Variants in TMEM135 observed in about 807,000 individuals in gnomAD.
TMEM135 encodes peroxisomal membrane protein 52.
A neutral mutation model predicts 60.3 loss-of-function variants in TMEM135; 30 were observed. The observed-to-expected ratio is 0.50, with a 90% CI of 0.37 to 0.68. The LOEUF (loss-of-function observed/expected upper bound fraction) is 0.68. Among genes scored for constraint, TMEM135 ranks in the 30% least tolerant of loss-of-function variants. TMEM135 has a pLI of 0.00. For missense variants in TMEM135, 468 were observed against 548.8 expected (o/e 0.85, Z 1.47); for synonymous variants, 190 against 186.7 (o/e 1.02, Z -0.14).
chr11:87,242,678 T>G (rs1344999197), intron 6 of TMEM135, among the ~76,000 whole-genome samples: 237 of 144,234 alleles, frequency 1.6e-3, no homozygotes, highest in Non-Finnish European at 2.9e-3. Context: ...TGATATCCTT[T>G]GCCCACTTTT....
At chr11:87,240,073 G>T (rs751398371) in intron 6 of TMEM135, among the ~76,000 whole-genome samples, 1 of 152,036 alleles carries the variant, frequency 6.6e-6, no homozygotes, top group Non-Finnish European at 1.5e-5. Flanking sequence ...GGCTTGGGCT[G>T]GCAAAAGGTA....
chr11:87,139,583 GC>G (rs1419641994), intron 4 of TMEM135, among the ~76,000 whole-genome samples: 1 of 152,072 alleles, frequency 6.6e-6, no homozygotes, highest in Non-Finnish European at 1.5e-5. Context: ...GAATTGCTGG[GC>G]CTCATGGTAA....
rs1942941252 is a variant in TMEM135 at position 87,328,094 on chromosome 11, C to G, written c.*6761C>G. Reference sequence around the variant, plus strand: ...AGTCAAGTTGATGCCTAAAATTAACCATCACAGGCTTTATGGCTCTATTAC... The same window carrying G: ...AGTCAAGTTGATGCCTAAAATTAACGATCACAGGCTTTATGGCTCTATTAC... On this transcript the variant is annotated 3_prime_UTR_variant, in exon 15 of 15. Coordinates refer to ENST00000305494, the MANE Select transcript of TMEM135 (RefSeq NM_022918.4). The G allele has an allele frequency of 2.2e-6, 1 of 453,946 alleles. No homozygotes were observed. The highest frequency in any genetic ancestry group is 2.0e-5 in the African/African-American group (1 of 49,978). 28.1% of individuals were successfully genotyped at this position (453,946 alleles called of 1,614,324 possible).
intron 4 of TMEM135, among the ~76,000 whole-genome samples, chr11:87,137,815 G>A (rs1220361764): frequency 1.3e-5 from 2 of 152,076 alleles, no homozygotes; most frequent in African/African-American, 4.8e-5. Context: ...GTTACGTCAT[G>A]TCACATTGGG....
chr11:87,100,809 C>G (rs1857441042), intron 4 of TMEM135, among the ~76,000 whole-genome samples: 1 of 151,992 alleles, frequency 6.6e-6, no homozygotes, highest in South Asian at 2.1e-4. Context: ...TTGCAGTAAG[C>G]CAAGATTGCG....
chr11:87,240,783 T>A (rs1257412347), intron 6 of TMEM135, among the ~76,000 whole-genome samples: 3 of 152,170 alleles, frequency 2.0e-5, no homozygotes, highest in African/African-American at 7.2e-5. Flanking sequence ...CTGTAAAGTG[T>A]ATTATAACTC....
intron 5 of TMEM135, among the ~76,000 whole-genome samples, chr11:87,181,146 G>A (rs1939503923): frequency 6.6e-6 from 1 of 152,132 alleles, no homozygotes; most frequent in African/African-American, 2.4e-5. Context: ...TTTAGGATAG[G>A]AAGTAGCAAT....
intron 5 of TMEM135, among the ~76,000 whole-genome samples, chr11:87,209,997 C>A (rs1271696835): frequency 1.3e-5 from 2 of 152,104 alleles, no homozygotes. Context: ...ACACAATATA[C>A]CAGAATCTTT....
intron 5 of TMEM135, among the ~76,000 whole-genome samples, chr11:87,170,008 CT>C (rs35152231): frequency 0.37 from 55,286 of 149,874 alleles, 10,641 homozygotes; most frequent in East Asian, 0.67. Flanking sequence ...CCTTTTTAGT[CT>C]TTTTTTTTTC....
At chr11:87,211,408 C>G (rs372778557) in intron 5 of TMEM135, among the ~76,000 whole-genome samples, 15 of 152,128 alleles carry the variant, frequency 9.9e-5, no homozygotes, top group African/African-American at 1.9e-4. Context: ...TTGTCATGGA[C>G]TCAGGGAGAT....
At chr11:87,227,130 C>T (rs986529708) in intron 5 of TMEM135, among the ~76,000 whole-genome samples, 13 of 152,082 alleles carry the variant, frequency 8.5e-5, no homozygotes, top group Admixed American at 7.9e-4. Context: ...GGCATATTTA[C>T]TGTGAGTTTC....
intron 5 of TMEM135, among the ~76,000 whole-genome samples, chr11:87,230,002 T>C (rs1940857310): frequency 6.6e-6 from 1 of 152,074 alleles, no homozygotes; most frequent in Non-Finnish European, 1.5e-5. Context: ...TTTCAAATAT[T>C]TACTGAGTTG....
intron 9 of TMEM135, among the ~76,000 whole-genome samples, 171 bp from the exon 10 acceptor site, chr11:87,309,334 G>C (rs1446706830): frequency 1.3e-5 from 2 of 152,064 alleles, no homozygotes; most frequent in Non-Finnish European, 2.9e-5. Context: ...TTATTTTTAA[G>C]GTAATTGTTT....
chr11:87,107,038 C>A (rs1177639147), intron 4 of TMEM135, among the ~76,000 whole-genome samples: 1 of 152,184 alleles, frequency 6.6e-6, no homozygotes, highest in Non-Finnish European at 1.5e-5. Flanking sequence ...CAGCACCAAG[C>A]CATGAGGGAT....
intron 4 of TMEM135, among the ~76,000 whole-genome samples, chr11:87,120,759 A>G (rs770135655): frequency 6.6e-6 from 1 of 152,078 alleles, no homozygotes; most frequent in Non-Finnish European, 1.5e-5. Context: ...AATTTCATTA[A>G]TTTCTAAATT....
At chr11:87,166,103 T>A (rs1000456732) in intron 5 of TMEM135, among the ~76,000 whole-genome samples, 1 of 151,586 alleles carries the variant, frequency 6.6e-6, no homozygotes, top group Non-Finnish European at 1.5e-5. Flanking sequence ...AATCAATAGC[T>A]TACCAACCAA....
At chr11:87,156,128 G>A (rs868608325) in intron 4 of TMEM135, among the ~76,000 whole-genome samples, 3 of 152,076 alleles carry the variant, frequency 2.0e-5, no homozygotes, top group African/African-American at 4.8e-5. Context: ...TGTCCTTTGT[G>A]CACTCAATAG....
chr11:87,112,507 A>G (rs367953681), intron 4 of TMEM135, among the ~76,000 whole-genome samples: 2 of 152,114 alleles, frequency 1.3e-5, no homozygotes, highest in African/African-American at 2.4e-5. Context: ...TTTCAAAAAC[A>G]GAAGCGAAGA....
At chr11:87,197,844 G>A (rs1175037375) in intron 5 of TMEM135, among the ~76,000 whole-genome samples, 4 of 152,004 alleles carry the variant, frequency 2.6e-5, no homozygotes, top group South Asian at 4.1e-4. Context: ...AGAAGAAAAT[G>A]TATATTTTAT....
Sources: gnomAD v4.1 joint callset for allele counts (sites outside exome capture counted in the v4.1 genomes callset) on GRCh38, gnomAD v4.1.1 for gene constraint, MANE v1.5 for transcripts, NCBI Gene and HGNC (gene_info 2026-07-23, HGNC 2026-07-21) for gene names.